Variants in PTPRT observed in about 807,000 individuals in gnomAD.
PTPRT encodes the protein protein tyrosine phosphatase receptor type T.
PTPRT carries 56 observed loss-of-function variants against 176.8 expected under a neutral mutation model. The ratio of observed to expected loss-of-function variants is 0.32; its 90% CI spans 0.26 to 0.40. The LOEUF is 0.40. Ranked by LOEUF, PTPRT falls within the 10% of genes least tolerant of loss-of-function variation. The pLI is 1.00. For missense variants in PTPRT, 1,540 were observed against 1,908.2 expected, an observed-to-expected ratio of 0.81 and a Z score of 3.60; for synonymous variants, 783 against 739.0, an observed-to-expected ratio of 1.06 and a Z score of -0.96.
intron 5 of PTPRT, among the ~76,000 whole-genome samples, chr20:42,758,731 G>A (rs990563700): frequency 1.3e-5 from 2 of 152,190 alleles, no homozygotes; most frequent in African/African-American, 2.4e-5. Context: ...CAACATGCAT[G>A]GGGCTGTAAG....
intron 11 of PTPRT, among the ~76,000 whole-genome samples, chr20:42,330,254 T>A (rs2057948495): frequency 6.6e-6 from 1 of 152,166 alleles, no homozygotes; most frequent in Non-Finnish European, 1.5e-5. Flanking sequence ...GCGGATCACC[T>A]GAGATCGGGA....
chr20:42,663,829 C>T (rs1162536904), intron 7 of PTPRT, among the ~76,000 whole-genome samples: 1 of 152,114 alleles, frequency 6.6e-6, no homozygotes, highest in Non-Finnish European at 1.5e-5. Context: ...GCATAGAATT[C>T]CACTGTGTGT....
chr20:43,000,424 T>A (rs1984499630), intron 1 of PTPRT, among the ~76,000 whole-genome samples: 1 of 151,998 alleles, frequency 6.6e-6, no homozygotes, highest in Admixed American at 6.6e-5. Context: ...TAAATAGATT[T>A]TTAAGTGAAT....
chr20:43,080,612 G>A (rs2011413971), intron 1 of PTPRT, among the ~76,000 whole-genome samples: 1 of 152,188 alleles, frequency 6.6e-6, no homozygotes, highest in Admixed American at 6.5e-5. Flanking sequence ...TCCTCCCACA[G>A]TGTGGTATTT....
intron 13 of PTPRT, among the ~76,000 whole-genome samples, chr20:42,254,125 C>A (rs1215083158): frequency 6.6e-6 from 1 of 152,048 alleles, no homozygotes; most frequent in Admixed American, 6.5e-5. Context: ...ACCCAGCAAC[C>A]CTCCCAGCTG....
intron 7 of PTPRT, among the ~76,000 whole-genome samples, chr20:42,559,763 G>C (rs149933484): frequency 6.6e-6 from 1 of 152,354 alleles, no homozygotes; most frequent in African/African-American, 2.4e-5. Flanking sequence ...TAATGCAATT[G>C]TACTTAGCCT....
intron 7 of PTPRT, among the ~76,000 whole-genome samples, chr20:42,527,668 C>G (rs568167792): frequency 1.3e-5 from 2 of 152,178 alleles, no homozygotes; most frequent in East Asian, 3.9e-4. Context: ...TTCTTAACAA[C>G]CTTTGATATG....
chr20:42,525,220 A>G (rs1984707385), intron 7 of PTPRT, among the ~76,000 whole-genome samples: 2 of 152,242 alleles, frequency 1.3e-5, no homozygotes, highest in South Asian at 4.1e-4. Flanking sequence ...GCCTGAATTC[A>G]AGTGATCTTC....
chr20:42,725,694 T>C (rs117923338), intron 6 of PTPRT, among the ~76,000 whole-genome samples: 2,801 of 152,076 alleles, frequency 0.018, 58 homozygotes, highest in Non-Finnish European at 0.028. Flanking sequence ...TGCGCAGAAA[T>C]AGAAACACTT....
At chr20:42,938,646 T>A (rs191847844) in intron 1 of PTPRT, among the ~76,000 whole-genome samples, 63 of 152,258 alleles carry the variant, frequency 4.1e-4, no homozygotes, top group African/African-American at 1.3e-3. Context: ...AATAAGGAGT[T>A]GTGCAGGGTA....
intron 9 of PTPRT, among the ~76,000 whole-genome samples, chr20:42,364,761 G>A (rs777707458): frequency 6.6e-6 from 1 of 152,188 alleles, no homozygotes; most frequent in Non-Finnish European, 1.5e-5. Flanking sequence ...GTCCAGAGTG[G>A]AACCTCACAG....
At chr20:42,223,237 C>A (rs147277268) in intron 15 of PTPRT, among the ~76,000 whole-genome samples, 16 of 152,276 alleles carry the variant, frequency 1.1e-4, no homozygotes. Context: ...GCACCTACTA[C>A]GCGCCAGATA....
intron 9 of PTPRT, among the ~76,000 whole-genome samples, chr20:42,381,716 A>G (rs1364985838): frequency 1.3e-5 from 2 of 151,940 alleles, no homozygotes; most frequent in African/African-American, 2.4e-5. Flanking sequence ...AAGAAAAGAG[A>G]AGGAGGGAGA....
intron 1 of PTPRT, among the ~76,000 whole-genome samples, chr20:42,924,826 G>T (rs755095592): frequency 6.6e-6 from 1 of 152,178 alleles, no homozygotes; most frequent in Non-Finnish European, 1.5e-5. Flanking sequence ...CCTCATCTGT[G>T]GTTCCCAAAT....
intron 13 of PTPRT, among the ~76,000 whole-genome samples, chr20:42,251,919 T>C (rs2056557262): frequency 6.6e-6 from 1 of 152,170 alleles, no homozygotes; most frequent in Non-Finnish European, 1.5e-5. Context: ...TGGTCAGATT[T>C]GTATTTCCAA....
chr20:43,160,684 C>T (rs1044059181), intron 1 of PTPRT, among the ~76,000 whole-genome samples: 4 of 152,002 alleles, frequency 2.6e-5, no homozygotes, highest in Non-Finnish European at 5.9e-5. Context: ...TTTTAATCTA[C>T]AGTGTTTTCA....
At chr20:42,039,992 A>C in the PTPRT span, among the ~76,000 whole-genome samples, 198 of 152,080 alleles carry the variant, frequency 1.3e-3, 1 homozygote, top group Non-Finnish European at 2.0e-3. Context: ...TTCTACTTCT[A>C]ATTTTTTGAG....
At chr20:43,180,755 C>G (rs116943515) in intron 1 of PTPRT, among the ~76,000 whole-genome samples, 6,489 of 152,104 alleles carry the variant, frequency 0.043, 194 homozygotes, top group Non-Finnish European at 0.067. Flanking sequence ...GAGCCACCAC[C>G]CCCAGCCAAT....
intron 7 of PTPRT, among the ~76,000 whole-genome samples, chr20:42,558,463 T>C (rs370720205): frequency 6.6e-6 from 1 of 152,158 alleles, no homozygotes; most frequent in East Asian, 1.9e-4. Context: ...TACAATGATT[T>C]ATATTCCTTT....
Sources: gnomAD v4.1 joint callset for allele counts (sites outside exome capture counted in the v4.1 genomes callset) on GRCh38, gnomAD v4.1.1 for gene constraint, MANE v1.5 for transcripts, NCBI Gene and HGNC (gene_info 2026-07-23, HGNC 2026-07-21) for gene names.